The following PPFIA2 variants were observed in gnomAD, a reference collection of about 807,000 sequenced individuals.
PPFIA2 encodes liprin-alpha-2.
PPFIA2 carries 46 observed loss-of-function variants against 175.5 expected under a neutral mutation model. The ratio of observed to expected loss-of-function variants is 0.26; its 90% CI spans 0.21 to 0.34. The LOEUF (loss-of-function observed/expected upper bound fraction) is 0.34. Ranked by LOEUF, PPFIA2 falls within the 10% of genes least tolerant of loss-of-function variation. The pLI, the probability that PPFIA2 is intolerant of heterozygous loss-of-function variation, is 1.00. For missense variants in PPFIA2, 1,179 were observed against 1,506.1 expected (o/e 0.78, Z 3.60); for synonymous variants, 568 against 511.4 (o/e 1.11, Z -1.49).
At chr12:81,650,263 C>T (rs1231334166) in intron 4 of PPFIA2, among the ~76,000 whole-genome samples, 3 of 152,086 alleles carry the variant, frequency 2.0e-5, no homozygotes, top group African/African-American at 7.2e-5. Context: ...CCCACCTCGG[C>T]CTCCCAAAGT....
In PPFIA2 at chr12:81,736,677, T is replaced by C. The variant is rs1029474760; in HGVS notation, c.249+17296A>G. 3.3e-5 allele frequency among the ~76,000 whole-genome samples: 5 copies of C among 151,994 alleles called. No homozygotes were observed. In the East Asian group the frequency reaches 7.8e-4, roughly 24 times the overall value. On this transcript the variant is annotated intron_variant, in intron 3 of 32. Coordinates refer to ENST00000549396, the MANE Select transcript of PPFIA2 (RefSeq NM_003625.5). ...GACTAGGAGTACACCAGAAAAAAAA[T>C]TGAAAATGGTAACTGCTTATTTTGT...
At chr12:81,312,117 G>A (rs1330579122) in intron 22 of PPFIA2, 36 of 1,525,914 alleles carry the variant, frequency 2.4e-5, no homozygotes, top group Middle Eastern at 1.7e-4. Flanking sequence ...AAAAGATGGC[G>A]CTGAAAATAA....
At chr12:81,618,581 T>G (rs1431925700) in intron 4 of PPFIA2, among the ~76,000 whole-genome samples, 1 of 143,628 alleles carries the variant, frequency 7.0e-6, no homozygotes, top group Non-Finnish European at 1.5e-5. Context: ...CAGGCTGGAG[T>G]GCAGTGGCGC....
chr12:81,609,522 T>C (rs994653856), intron 4 of PPFIA2, among the ~76,000 whole-genome samples: 4 of 152,212 alleles, frequency 2.6e-5, no homozygotes, highest in African/African-American at 9.6e-5. Flanking sequence ...ATTAATATTA[T>C]GCAATGCCCT....
chr12:81,504,822 G>A (rs554723931), intron 4 of PPFIA2, among the ~76,000 whole-genome samples: 3 of 152,104 alleles, frequency 2.0e-5, no homozygotes, highest in Non-Finnish European at 4.4e-5. Flanking sequence ...CCATAAAAAA[G>A]GATGAGTTCA....
chr12:81,493,579 A>T (rs1023062111), intron 4 of PPFIA2, among the ~76,000 whole-genome samples: 1 of 151,810 alleles, frequency 6.6e-6, no homozygotes, highest in African/African-American at 2.4e-5. Context: ...AGGTTCACTG[A>T]AGAGATAGGG....
chr12:81,602,284 GTA>G (rs1314311493), intron 4 of PPFIA2, among the ~76,000 whole-genome samples: 1 of 151,704 alleles, frequency 6.6e-6, no homozygotes, highest in Non-Finnish European at 1.5e-5. Context: ...CACAAAAAAT[GTA>G]TGTTTGTATA....
chr12:81,744,058 T>C (rs1366425982), intron 3 of PPFIA2, among the ~76,000 whole-genome samples: 2 of 152,178 alleles, frequency 1.3e-5, no homozygotes, highest in African/African-American at 2.4e-5. Context: ...TGTAAGACAA[T>C]AGAAAATAGT....
chr12:81,638,976 C>T (rs190109487), intron 4 of PPFIA2, among the ~76,000 whole-genome samples: 2 of 151,958 alleles, frequency 1.3e-5, no homozygotes, highest in Admixed American at 6.6e-5. Context: ...CGTGAGCCAC[C>T]GCGCCCGGCC....
intron 4 of PPFIA2, among the ~76,000 whole-genome samples, chr12:81,536,112 G>T (rs2065333283): frequency 6.6e-6 from 1 of 151,710 alleles, no homozygotes; most frequent in Non-Finnish European, 1.5e-5. Flanking sequence ...ATCTCAGCCT[G>T]CAAAGAATAC....
At chr12:81,372,526 A>C (rs2035403834) in intron 11 of PPFIA2, among the ~76,000 whole-genome samples, 1 of 144,736 alleles carries the variant, frequency 6.9e-6, no homozygotes, top group African/African-American at 2.6e-5. Flanking sequence ...AAAAAAAAAA[A>C]AAACAGATAT....
intron 4 of PPFIA2, among the ~76,000 whole-genome samples, chr12:81,527,253 C>T (rs1404788780): frequency 2.6e-5 from 4 of 152,040 alleles, no homozygotes; most frequent in African/African-American, 4.8e-5. Flanking sequence ...CTTTCCTGAA[C>T]CATTCCCACC....
intron 7 of PPFIA2, among the ~76,000 whole-genome samples, chr12:81,417,620 G>A (rs898591370): frequency 6.6e-6 from 1 of 151,642 alleles, no homozygotes; most frequent in Non-Finnish European, 1.5e-5. Context: ...TAAACCCATT[G>A]TTCTGGCCAA....
chr12:81,572,676 CT>C (rs1238656041), intron 4 of PPFIA2, among the ~76,000 whole-genome samples: 2 of 151,978 alleles, frequency 1.3e-5, no homozygotes. Flanking sequence ...CCAATGAGCA[CT>C]ACAAATTAGT....
intron 3 of PPFIA2, among the ~76,000 whole-genome samples, chr12:81,747,349 G>T (rs2083199577): frequency 1.4e-5 from 2 of 144,122 alleles, no homozygotes; most frequent in Admixed American, 1.5e-4. Context: ...TGTGTGACTG[G>T]CCATGGTGGA....
chr12:81,627,852 G>A (rs1325757471), intron 4 of PPFIA2, among the ~76,000 whole-genome samples: 1 of 151,906 alleles, frequency 6.6e-6, no homozygotes, highest in Non-Finnish European at 1.5e-5. Context: ...TAAATGCTTC[G>A]AGGGTTTGTT....
intron 4 of PPFIA2, among the ~76,000 whole-genome samples, chr12:81,647,557 C>G (rs543849191): frequency 6.6e-6 from 1 of 151,574 alleles, no homozygotes; most frequent in Non-Finnish European, 1.5e-5. Context: ...GTCAGGAGAT[C>G]GAGACCATCC....
intron 28 of PPFIA2, among the ~76,000 whole-genome samples, chr12:81,275,392 T>G (rs1361412344): frequency 6.6e-6 from 1 of 152,200 alleles, no homozygotes; most frequent in Non-Finnish European, 1.5e-5. Flanking sequence ...CACTTTCACA[T>G]GCATTCAAGC....
At chr12:81,710,400 C>A (rs894867208) in intron 3 of PPFIA2, among the ~76,000 whole-genome samples, 1 of 151,750 alleles carries the variant, frequency 6.6e-6, no homozygotes, top group Non-Finnish European at 1.5e-5. Flanking sequence ...TTTATATTTC[C>A]AAAAACTGTT....
Sources: allele counts gnomAD v4.1 joint callset (sites outside exome capture counted in the v4.1 genomes callset), GRCh38; gene constraint gnomAD v4.1.1; transcripts MANE v1.5; gene names NCBI Gene and HGNC (gene_info 2026-07-23, HGNC 2026-07-21).